The following TRAPPC10 variants were observed in gnomAD, a reference collection of about 807,000 sequenced individuals.
The protein encoded by TRAPPC10 is TRAPP 130 kDa subunit.
In TRAPPC10, 23 loss-of-function variants were observed where a neutral mutation model predicts 125.5. The observed-to-expected ratio is 0.18, with a 90% CI of 0.13 to 0.26. The LOEUF (loss-of-function observed/expected upper bound fraction) is 0.26. Among genes scored for constraint, TRAPPC10 ranks in the 10% least tolerant of loss-of-function variants. The pLI, the probability that TRAPPC10 is intolerant of heterozygous loss-of-function variation, is 1.00. For missense variants in TRAPPC10, 1,123 were observed against 1,308.4 expected, an observed-to-expected ratio of 0.86 and a Z score of 2.19; for synonymous variants, 509 against 518.0, an observed-to-expected ratio of 0.98 and a Z score of 0.24.
intron 6 of TRAPPC10, among the ~76,000 whole-genome samples, chr21:44,060,881 G>A (rs1025494888): frequency 6.6e-6 from 1 of 150,896 alleles, no homozygotes; most frequent in East Asian, 2.0e-4. Flanking sequence ...GATTATAGTT[G>A]TGAGCCACCA....
intron 1 of TRAPPC10, among the ~76,000 whole-genome samples, chr21:44,018,411 A>G (rs917068751): frequency 1.3e-5 from 2 of 152,028 alleles, no homozygotes; most frequent in Non-Finnish European, 2.9e-5. Flanking sequence ...CTCAGAAAAA[A>G]AAATAAAGGC....
intron 3 of TRAPPC10, among the ~76,000 whole-genome samples, chr21:44,045,676 T>G (rs1385305144): frequency 2.0e-5 from 3 of 151,910 alleles, no homozygotes; most frequent in African/African-American, 7.2e-5. Context: ...CTCAGCCTCC[T>G]GAGTAGCTGG....
intron 1 of TRAPPC10, among the ~76,000 whole-genome samples, chr21:44,014,587 G>GTTTT (rs1219684030): frequency 8.7e-6 from 1 of 114,776 alleles, no homozygotes; most frequent in East Asian, 2.3e-4. Context: ...TTGTTTGTTT[G>GTTTT]TTTTTGTTTT....
intron 3 of TRAPPC10, among the ~76,000 whole-genome samples, chr21:44,050,361 C>T (rs549108324): frequency 1.3e-5 from 2 of 151,556 alleles, no homozygotes; most frequent in Admixed American, 6.6e-5. Context: ...GCAGCCCCTG[C>T]CCGGTGTGGA....
In TRAPPC10 at chr21:44,082,899, T is replaced by C. The variant is rs1363884291; in HGVS notation, c.1835T>C (p.Met612Thr). 6.2e-7 allele frequency: 1 copy of C among 1,614,050 alleles called. No homozygotes were observed. The highest frequency in any genetic ancestry group is 8.5e-7 in the Non-Finnish European group (1 of 1,180,030). ...VGGVLCVEIT[M>T]YSQMPVPVHV... Reference sequence around the variant, plus strand: ...GGCGTTTTGTGCGTTGAGATAACCATGTACAGCCAGATGCCTGTGCCTGTT... The same window carrying C: ...GGCGTTTTGTGCGTTGAGATAACCACGTACAGCCAGATGCCTGTGCCTGTT... The change falls in exon 14 of 23, where the codon ATG becomes ACG. Residue 612 changes from methionine to threonine, a missense_variant. Around this residue, in one of 4 missense-constraint regions of TRAPPC10, gnomAD observed 840 missense variants for 902.0 expected, o/e 0.93. Coordinates refer to ENST00000291574, the MANE Select transcript of TRAPPC10 (RefSeq NM_003274.5). This position sits in a 1 kb window ranked among gnomAD's most constrained non-coding sequence, Gnocchi z 4.4.
intron 14 of TRAPPC10, among the ~76,000 whole-genome samples, chr21:44,083,650 T>C (rs774140808): frequency 1.3e-5 from 2 of 152,170 alleles, no homozygotes; most frequent in African/African-American, 2.4e-5. Context: ...TGGTACACTT[T>C]CCCACTCAAA....
intron 3 of TRAPPC10, among the ~76,000 whole-genome samples, chr21:44,051,565 A>G (rs2035234103): frequency 1.3e-5 from 2 of 152,328 alleles, no homozygotes; most frequent in South Asian, 4.1e-4. Flanking sequence ...GTATGTAGAA[A>G]GGGCCCTTTC....
rs771952010 is a variant in TRAPPC10 at position 44,087,666 on chromosome 21, C to G, written c.2540-33C>G. 2 of 1,588,260 alleles carry G rather than the reference C, an allele frequency of 1.3e-6. No homozygotes were observed. The highest frequency in any genetic ancestry group is 3.3e-5 in the Admixed American group (2 of 59,966). Reference sequence around the variant, plus strand: ...AAAAGGACAAGTGAAACCGAGGGAACAGCTTTGAAGTGACTTTTTCTGTCC... The same window carrying G: ...AAAAGGACAAGTGAAACCGAGGGAAGAGCTTTGAAGTGACTTTTTCTGTCC... On this transcript the variant is annotated intron_variant, in intron 16 of 22. Transcript: ENST00000291574. This position sits in a 1 kb window ranked among gnomAD's most constrained non-coding sequence, Gnocchi z 4.6.
At chr21:44,074,707 C>T (rs1279089400) in intron 8 of TRAPPC10, among the ~76,000 whole-genome samples, 3 of 152,246 alleles carry the variant, frequency 2.0e-5, no homozygotes, top group Admixed American at 1.3e-4. Context: ...ACTCTGTACC[C>T]TGAGTCGGGG....
At position 44,086,950 on chromosome 21, in the gene TRAPPC10, C is replaced by T. The variant is rs2038177358; in HGVS notation, c.2529C>T (p.Ser843=). ...CQAESRAVVY[S]NTREQSSEAA... ...CGGAGAGCAGGGCTGTGGTCTACTC[C>T]AACACGAGAGGTGAGGTGCCGCCCA... The change falls in exon 16 of 23, where the codon TCC becomes TCT. Residue 843 remains serine (S), a synonymous_variant. Coordinates refer to ENST00000291574, the MANE Select transcript of TRAPPC10 (RefSeq NM_003274.5). 1 of 1,613,960 alleles carries T rather than the reference C, an allele frequency of 6.2e-7. No individual in the cohort carries two copies. Among genetic ancestry groups the T allele is most frequent in the South Asian group, 1.1e-5 (1 of 91,082 alleles).
rs903954652 is a variant in TRAPPC10 at position 44,075,046 on chromosome 21, C to A, written c.1193C>A (p.Ser398Tyr). 6.2e-6 allele frequency: 10 copies of A among 1,610,724 alleles called. No homozygotes were observed. In the Admixed American group the frequency reaches 1.7e-4, roughly 27 times the overall value. The change falls in exon 9 of 23, where the codon TCC (serine) becomes TAC (tyrosine). Residue 398 changes from serine to tyrosine, a missense_variant. Ser to Tyr is a moderately radical substitution (Grantham distance 144). Around this residue, in one of 4 missense-constraint regions of TRAPPC10, gnomAD observed 840 missense variants for 902.0 expected, o/e 0.93. Transcript: ENST00000291574. ...LWSYATEKLK[S>Y]LGYLCGLVSE... ...GTGGATTTATCTTAACAGTTAAAGT[C>A]CTTGGGCTATCTATGTGGACTTGTG... is the stretch of plus-strand genomic sequence containing the variant.
rs1377461131 is a variant in TRAPPC10, at chr21:44,059,359, G to A, written c.790+145G>A. On this transcript the variant is annotated intron_variant, in intron 6 of 22. Transcript: ENST00000291574. The surrounding 1 kb of genome is among the most constrained non-coding windows in gnomAD (Gnocchi z 4.4). Reference sequence around the variant, plus strand: ...TACACATTATATCGGATATATTCTCGTGATTCCTAGAGGAAATGAAATGAG... The same window carrying A: ...TACACATTATATCGGATATATTCTCATGATTCCTAGAGGAAATGAAATGAG... The A allele has an allele frequency of 4.3e-6, 3 of 691,008 alleles. No individual in the cohort carries two copies. The highest frequency in any genetic ancestry group is 1.8e-5 in the African/African-American group (1 of 55,584). The allele number at this position is 691,008 out of a possible 1,614,324, so 42.8% of individuals were successfully genotyped here. A position where few individuals can be genotyped will look rare whatever the true frequency, so the allele number is the denominator to read the frequency against.
intron 5 of TRAPPC10, among the ~76,000 whole-genome samples, chr21:44,057,167 G>A (rs1231523106): frequency 6.6e-6 from 1 of 152,118 alleles, no homozygotes; most frequent in Non-Finnish European, 1.5e-5. Context: ...CCAGGGGCTG[G>A]CAGAGGGAGA....
Position 44,052,272 on chromosome 21 carries a change from G to A in TRAPPC10, c.286-8G>A, listed in dbSNP as rs752588152. Reference sequence around the variant, plus strand: ...AACCTGCTTTCACAGTGACTTGTTTGTTTTTAGGATACCGAAGTGTATAAA... The same window carrying A: ...AACCTGCTTTCACAGTGACTTGTTTATTTTTAGGATACCGAAGTGTATAAA... On this transcript the variant is annotated splice_region_variant and splice_polypyrimidine_tract_variant and intron_variant, in intron 3 of 22. Transcript: ENST00000291574. 19 of 1,567,988 alleles carry A rather than the reference G, an allele frequency of 1.2e-5. No homozygotes were observed. The highest frequency in any genetic ancestry group is 1.6e-5 in the Non-Finnish European group (19 of 1,162,332).
At chr21:44,040,871 C>T (rs2034369562) in intron 3 of TRAPPC10, among the ~76,000 whole-genome samples, 1 of 151,928 alleles carries the variant, frequency 6.6e-6, no homozygotes, top group African/African-American at 2.4e-5. Context: ...CTGCCTCAGT[C>T]CCCTGAAGTG....
intron 1 of TRAPPC10, among the ~76,000 whole-genome samples, chr21:44,026,505 A>G (rs116779617): frequency 2.0e-5 from 3 of 152,332 alleles, no homozygotes; most frequent in Admixed American, 6.5e-5. Flanking sequence ...TGTATGGCCT[A>G]TGGGCAAGCA....
At chr21:44,046,220 C>T (rs2034795082) in intron 3 of TRAPPC10, 1 of 195,604 alleles carries the variant, frequency 5.1e-6, no homozygotes, top group Non-Finnish European at 1.2e-5. Flanking sequence ...AAACTTCTAA[C>T]TTGCTTAAAT....
chr21:44,035,668 C>T (rs888221710), intron 2 of TRAPPC10, among the ~76,000 whole-genome samples: 17 of 151,872 alleles, frequency 1.1e-4, no homozygotes, highest in African/African-American at 4.1e-4. Flanking sequence ...TCCCAACTAC[C>T]CGGGAGGCTG....
At chr21:44,064,920 A>G (rs996600135) in intron 7 of TRAPPC10, among the ~76,000 whole-genome samples, 1 of 152,156 alleles carries the variant, frequency 6.6e-6, no homozygotes, top group Non-Finnish European at 1.5e-5. Context: ...CCACCTCGAA[A>G]TGACCCTCTG....
Sources: allele counts gnomAD v4.1 joint callset (sites outside exome capture counted in the v4.1 genomes callset), GRCh38; gene constraint gnomAD v4.1.1; regional missense constraint gnomAD v4.1.1; non-coding constraint Gnocchi (gnomAD v3.1); transcripts MANE v1.5; gene names NCBI Gene and HGNC (gene_info 2026-07-23, HGNC 2026-07-21).